The following CDH18 variants were observed in gnomAD, a reference collection of about 807,000 sequenced individuals.
CDH18 encodes cadherin-18.
A neutral mutation model predicts 67.9 loss-of-function variants in CDH18; 31 were observed. The ratio of observed to expected loss-of-function variants is 0.46; its 90% CI spans 0.34 to 0.62. The LOEUF (loss-of-function observed/expected upper bound fraction) is 0.62. Ranked by LOEUF, CDH18 falls within the 20% of genes least tolerant of loss-of-function variation. CDH18 has a pLI of 0.01. For missense variants in CDH18, 890 were observed against 975.5 expected, an observed-to-expected ratio of 0.91 and a Z score of 1.17; for synonymous variants, 362 against 347.2, an observed-to-expected ratio of 1.04 and a Z score of -0.48.
intron 2 of CDH18, among the ~76,000 whole-genome samples, chr5:19,928,087 G>C (rs185305343): frequency 1.3e-5 from 2 of 152,236 alleles, no homozygotes; most frequent in East Asian, 3.9e-4. Flanking sequence ...CTGATTCATT[G>C]TCATGGAGAA....
chr5:20,351,195 T>C (rs1186087561), intron 1 of CDH18, among the ~76,000 whole-genome samples: 9 of 147,442 alleles, frequency 6.1e-5, no homozygotes, highest in East Asian at 1.9e-4. Flanking sequence ...TGTGTGTGCG[T>C]GTGTGTTATT....
chr5:20,190,660 A>C (rs763043684), intron 2 of CDH18, among the ~76,000 whole-genome samples: 7 of 152,114 alleles, frequency 4.6e-5, no homozygotes, highest in Non-Finnish European at 1.0e-4. Context: ...CAAGAACATG[A>C]TCACACTTAT....
rs1038938359 is a variant in CDH18 at position 20,439,466 on chromosome 5, C to T, written c.-580+135996G>A. Among the ~76,000 whole-genome samples the T allele has an allele frequency of 1.4e-4, 21 of 149,564 alleles. 2 individuals carry two copies. The highest frequency in any genetic ancestry group is 4.9e-4 in the African/African-American group (20 of 40,632). ...CACAAGATAAACACACACACACATA[C>T]ACATGCACACACCGTTTCATAATGT... On this transcript the variant is annotated intron_variant, in intron 1 of 14. Coordinates refer to the CDH18 transcript ENST00000507958.
chr5:20,232,814 C>T (rs764127810), intron 2 of CDH18, among the ~76,000 whole-genome samples: 6 of 151,960 alleles, frequency 3.9e-5, no homozygotes, highest in Non-Finnish European at 8.8e-5. Flanking sequence ...TTATTATTCA[C>T]TCATGACAAA....
chr5:19,477,681 A>G (rs1738716760), intron 12 of CDH18, among the ~76,000 whole-genome samples: 1 of 152,114 alleles, frequency 6.6e-6, no homozygotes, highest in Non-Finnish European at 1.5e-5. Context: ...TTATTTAAAA[A>G]CTGACAGTCA....
At chr5:19,568,353 T>C (rs774002987) in intron 8 of CDH18, among the ~76,000 whole-genome samples, 3 of 152,150 alleles carry the variant, frequency 2.0e-5, no homozygotes, top group Non-Finnish European at 4.4e-5. Context: ...ATGAATGGAT[T>C]AGTGCCTTTA....
intron 10 of CDH18, 69 bp from the exon 11 acceptor site, chr5:19,503,178 A>C: frequency 1.4e-6 from 1 of 735,254 alleles, no homozygotes; most frequent in Non-Finnish European, 2.4e-6. Context: ...ATTACACTGT[A>C]TTATTTCTGT....
intron 1 of CDH18, among the ~76,000 whole-genome samples, chr5:20,336,800 A>AACT (rs1382502444): frequency 6.6e-6 from 1 of 150,728 alleles, no homozygotes; most frequent in Non-Finnish European, 1.5e-5. Context: ...GGACTGTCCT[A>AACT]ACTTAGGTGC....
At position 19,887,729 on chromosome 5, in the gene CDH18, G is replaced by GT. The variant is rs777312301; in HGVS notation, c.-256-48488dup. Among the ~76,000 whole-genome samples, 1,369 of 137,942 alleles carry GT rather than the reference G, an allele frequency of 9.9e-3. 10 individuals carry two copies. Among genetic ancestry groups the GT allele is most frequent in the Middle Eastern group, 0.023 (6 of 266 alleles). 90.5% of individuals were successfully genotyped at this position (137,942 alleles called of 152,430 possible). A position where few individuals can be genotyped will look rare whatever the true frequency, so the allele number is the denominator to read the frequency against. The stretch of plus-strand genomic sequence containing the variant: ...TGACCACAGGTGCACACCACCATGT[G>GT]TTTTTTTTTTTTTTAATTTTTTTGT... On this transcript the variant is annotated intron_variant, in intron 2 of 12. Coordinates refer to ENST00000382275, the MANE Select transcript of CDH18 (RefSeq NM_004934.5).
intron 1 of CDH18, among the ~76,000 whole-genome samples, chr5:20,495,440 G>A (rs1459551864): frequency 6.6e-6 from 1 of 152,082 alleles, no homozygotes; most frequent in Non-Finnish European, 1.5e-5. Flanking sequence ...TCTAAAGCCT[G>A]CTTCAGAAAT....
chr5:19,823,156 C>G (rs993586801), intron 3 of CDH18, among the ~76,000 whole-genome samples: 7 of 152,066 alleles, frequency 4.6e-5, no homozygotes. Context: ...TTTCAAGGTG[C>G]CCAGATTTCA....
At chr5:20,427,197 T>C (rs976954160) in intron 1 of CDH18, among the ~76,000 whole-genome samples, 1 of 151,230 alleles carries the variant, frequency 6.6e-6, no homozygotes, top group Non-Finnish European at 1.5e-5. Flanking sequence ...TCATTACAAA[T>C]GGTTTTGTAT....
At chr5:19,734,018 G>A (rs891109058) in intron 4 of CDH18, among the ~76,000 whole-genome samples, 3 of 152,162 alleles carry the variant, frequency 2.0e-5, no homozygotes, top group South Asian at 2.1e-4. Flanking sequence ...CTGCAGGTCC[G>A]GCAAATGGGG....
chr5:19,644,377 C>T (rs12659742), intron 5 of CDH18, among the ~76,000 whole-genome samples: 2,175 of 150,476 alleles, frequency 0.014, 45 homozygotes, highest in East Asian at 0.065. Context: ...GATTTCACCC[C>T]GCCAAAAAAA....
At chr5:19,950,652 A>G (rs1795703543) in intron 2 of CDH18, among the ~76,000 whole-genome samples, 1 of 152,186 alleles carries the variant, frequency 6.6e-6, no homozygotes, top group African/African-American at 2.4e-5. Flanking sequence ...TATCTTAACT[A>G]CTATCTGGAA....
chr5:19,939,505 T>G (rs532296522), intron 2 of CDH18, among the ~76,000 whole-genome samples: 45 of 151,894 alleles, frequency 3.0e-4, no homozygotes, highest in African/African-American at 1.1e-3. Flanking sequence ...CATCACTGAT[T>G]AAAAAGTGTC....
In CDH18 at chr5:19,954,584, A is replaced by C. The variant is rs73762462; in HGVS notation, c.-257+26476T>G. Among the ~76,000 whole-genome samples the C allele has an allele frequency of 6.6e-3, 1,003 of 152,206 alleles. 9 individuals carry two copies. Among genetic ancestry groups the C allele is most frequent in the African/African-American group, 0.023 (938 of 41,558 alleles). ...TCATAAACATGTTGGAACATCAAAA[A>C]TTACAAGGTGTGTTTATTTAAAGAA... is the stretch of plus-strand genomic sequence containing the variant. On this transcript the variant is annotated intron_variant, in intron 2 of 12. Coordinates refer to ENST00000382275, the MANE Select transcript of CDH18 (RefSeq NM_004934.5).
chr5:20,205,214 G>A (rs569459958), intron 2 of CDH18, among the ~76,000 whole-genome samples: 72 of 151,958 alleles, frequency 4.7e-4, no homozygotes, highest in Non-Finnish European at 9.0e-4. Flanking sequence ...GCTGGAAACC[G>A]AAAATGAGCA....
intron 1 of CDH18, among the ~76,000 whole-genome samples, chr5:20,487,936 A>G (rs1481905206): frequency 6.6e-6 from 1 of 152,110 alleles, no homozygotes; most frequent in Non-Finnish European, 1.5e-5. Flanking sequence ...AAACCTGAAC[A>G]TGAGACACTG....
Sources: allele counts gnomAD v4.1 joint callset (sites outside exome capture counted in the v4.1 genomes callset), GRCh38; gene constraint gnomAD v4.1.1; transcripts MANE v1.5; gene names NCBI Gene and HGNC (gene_info 2026-07-23, HGNC 2026-07-21).